Variants in PTPN4 observed in about 807,000 individuals in gnomAD.
PTPN4 encodes protein tyrosine phosphatase non-receptor type 4, also known as tyrosine-protein phosphatase non-receptor type 4.
In PTPN4, 49 loss-of-function variants were observed where a neutral mutation model predicts 135.5. The observed-to-expected ratio is 0.36, with a 90% confidence interval of 0.29 to 0.46. PTPN4 has a LOEUF of 0.46. Among genes scored for constraint, PTPN4 ranks in the 20% least tolerant of loss-of-function variants. The pLI is 1.00. For missense variants in PTPN4, 860 were observed against 1,101.0 expected (o/e 0.78, Z 3.10); for synonymous variants, 333 against 369.9 (o/e 0.90, Z 1.14).
intron 12 of PTPN4, among the ~76,000 whole-genome samples, chr2:119,925,938 T>TA (rs1007424462): frequency 6.6e-6 from 1 of 152,196 alleles, no homozygotes; most frequent in Admixed American, 6.5e-5. Context: ...ACTTGAAGTT[T>TA]AAAAGTCATG....
intron 26 of PTPN4, among the ~76,000 whole-genome samples, chr2:119,972,294 T>C (rs1442598104): frequency 6.6e-6 from 1 of 152,216 alleles, no homozygotes; most frequent in East Asian, 1.9e-4. Context: ...CAGGATGGTC[T>C]TTCTGTTTAT....
intron 1 of PTPN4, among the ~76,000 whole-genome samples, chr2:119,765,629 A>G (rs985007088): frequency 3.3e-5 from 5 of 152,242 alleles, no homozygotes; most frequent in African/African-American, 1.2e-4. Context: ...ATAAAGGTAA[A>G]TAAGACATGA....
At chr2:119,807,449 C>T (rs1343788880) in intron 1 of PTPN4, among the ~76,000 whole-genome samples, 2 of 152,166 alleles carry the variant, frequency 1.3e-5, no homozygotes, top group African/African-American at 4.8e-5. Context: ...ATAAACACCT[C>T]TACGCAAATA....
chr2:119,796,860 TTGTGTGTGTGTGTG>T (rs112883330), intron 1 of PTPN4, among the ~76,000 whole-genome samples: 7 of 147,540 alleles, frequency 4.7e-5, no homozygotes, highest in Non-Finnish European at 9.0e-5. Flanking sequence ...GTCACTGTTT[TTGTGTGTGTGTGTG>T]TGTGTGTGTG....
intron 1 of PTPN4, among the ~76,000 whole-genome samples, chr2:119,760,733 C>CTTTTTTTTTTT (rs59953430): frequency 2.5e-4 from 20 of 79,914 alleles, no homozygotes; most frequent in East Asian, 4.2e-4. Flanking sequence ...GGTAGAATTC[C>CTTTTTTTTTTT]TTTTTTTTTT....
chr2:119,760,505 A>T (rs757367800), intron 1 of PTPN4, 121 bp downstream of exon 1: 33 of 386,342 alleles, frequency 8.5e-5, no homozygotes, highest in Admixed American at 4.9e-4. Flanking sequence ...TACGAGGATG[A>T]TTTGAAAGGA....
intron 15 of PTPN4, among the ~76,000 whole-genome samples, chr2:119,942,453 G>A (rs1180196016): frequency 6.6e-6 from 1 of 152,126 alleles, no homozygotes; most frequent in Non-Finnish European, 1.5e-5. Flanking sequence ...AATAAGGAAG[G>A]TTTCCCTGAC....
At chr2:119,947,563 T>G (rs1679153531) in intron 18 of PTPN4, among the ~76,000 whole-genome samples, 1 of 152,136 alleles carries the variant, frequency 6.6e-6, no homozygotes, top group African/African-American at 2.4e-5. Context: ...CAATCACACC[T>G]CTACAGGAAA....
chr2:119,928,881 A>G (rs1678862651), intron 13 of PTPN4, among the ~76,000 whole-genome samples: 1 of 152,114 alleles, frequency 6.6e-6, no homozygotes, highest in South Asian at 2.1e-4. Flanking sequence ...TTAAGTTAAT[A>G]TCACATACAA....
At chr2:119,920,895 T>C (rs72971040) in intron 12 of PTPN4, among the ~76,000 whole-genome samples, 3,877 of 152,320 alleles carry the variant, frequency 0.025, 167 homozygotes, top group African/African-American at 0.087. Context: ...GTAAGAATCA[T>C]GTAGAAAGTT....
intron 1 of PTPN4, among the ~76,000 whole-genome samples, chr2:119,788,968 A>AT (rs1320370261): frequency 6.6e-6 from 1 of 151,950 alleles, no homozygotes; most frequent in African/African-American, 2.4e-5. Context: ...GGATAATTCT[A>AT]TTTTTCATTT....
intron 1 of PTPN4, among the ~76,000 whole-genome samples, chr2:119,789,011 G>A (rs1691092957): frequency 6.6e-6 from 1 of 151,774 alleles, no homozygotes; most frequent in South Asian, 2.1e-4. Context: ...TTCCACAGTG[G>A]GTGCACCATT....
At chr2:119,879,101 A>C (rs1200221790) in intron 5 of PTPN4, among the ~76,000 whole-genome samples, 1 of 151,846 alleles carries the variant, frequency 6.6e-6, no homozygotes, top group Non-Finnish European at 1.5e-5. Context: ...TGAAAAAAAA[A>C]AAAAACAAAA....
At chr2:119,857,893 G>C (rs1430093199) in intron 2 of PTPN4, among the ~76,000 whole-genome samples, 1 of 152,160 alleles carries the variant, frequency 6.6e-6, no homozygotes, top group Non-Finnish European at 1.5e-5. Flanking sequence ...GTGATTCCCA[G>C]TGTTGGAGGT....
chr2:119,885,058 G>A (rs181521799), intron 8 of PTPN4, among the ~76,000 whole-genome samples: 19 of 152,216 alleles, frequency 1.2e-4, no homozygotes, highest in Non-Finnish European at 1.9e-4. Flanking sequence ...TGGTATTCTT[G>A]TTAAATATAA....
intron 2 of PTPN4, among the ~76,000 whole-genome samples, chr2:119,830,470 CCT>C (rs372832527): frequency 6.6e-6 from 1 of 151,108 alleles, no homozygotes; most frequent in Non-Finnish European, 1.5e-5. Context: ...ACACCTCTGC[CCT>C]CTCTCTCTCT....
At chr2:119,943,761 GT>G (rs1003601673) in intron 15 of PTPN4, among the ~76,000 whole-genome samples, 49 of 151,382 alleles carry the variant, frequency 3.2e-4, no homozygotes, top group African/African-American at 1.2e-3. Context: ...TAATTTTTTT[GT>G]ATTTTTAGTA....
Position 119,952,107 on chromosome 2 carries a change from C to G in PTPN4, c.1791C>G (p.Leu597=). Residue 597 remains leucine (L), a synonymous_variant, in exon 19 of 27, where the codon CTC becomes CTG. Coordinates refer to ENST00000263708, the MANE Select transcript of PTPN4 (RefSeq NM_002830.4). Reference sequence around the variant, plus strand: ...GTTGTGAGAGACATTCTGGGGAACTCATGCTTCTAGTTCGACCTAATGGTG... The same window carrying G: ...GTTGTGAGAGACATTCTGGGGAACTGATGCTTCTAGTTCGACCTAATGGTG... ...KASCERHSGE[L]MLLVRPNAVY... 1 of 1,612,732 alleles carries G rather than the reference C, an allele frequency of 6.2e-7. No homozygotes were observed. Among genetic ancestry groups the G allele is most frequent in the Non-Finnish European group, 8.5e-7 (1 of 1,178,994 alleles).
chr2:119,857,785 T>C (rs890120145), intron 2 of PTPN4, among the ~76,000 whole-genome samples: 1 of 152,182 alleles, frequency 6.6e-6, no homozygotes, highest in Non-Finnish European at 1.5e-5. Context: ...ATTGGCAGGC[T>C]TGGGTTTTGT....
Sources: gnomAD v4.1 joint callset for allele counts (sites outside exome capture counted in the v4.1 genomes callset) on GRCh38, gnomAD v4.1.1 for gene constraint, MANE v1.5 for transcripts, NCBI Gene and HGNC (gene_info 2026-07-23, HGNC 2026-07-21) for gene names.